PPFIA2: variants seen among roughly 807,000 people sequenced by gnomAD.
The protein encoded by PPFIA2 is PPFI scaffold protein A2.
PPFIA2 carries 46 observed loss-of-function variants against 175.5 expected under a neutral mutation model. That is an observed-to-expected ratio of 0.26 (90% CI 0.21 to 0.34). The LOEUF (loss-of-function observed/expected upper bound fraction) is 0.34, where lower values mean the gene tolerates loss of function less well. Among genes scored for constraint, PPFIA2 ranks in the 10% least tolerant of loss-of-function variants. The pLI, the probability that PPFIA2 is intolerant of heterozygous loss-of-function variation, is 1.00. For synonymous variants in PPFIA2, 568 were observed against 511.4 expected, an observed-to-expected ratio of 1.11 and a Z score of -1.49; for missense variants, 1,179 against 1,506.1, an observed-to-expected ratio of 0.78 and a Z score of 3.60.
chr12:81,725,705 G>T (rs962910511), intron 3 of PPFIA2, among the ~76,000 whole-genome samples: 2 of 150,314 alleles, frequency 1.3e-5, no homozygotes, highest in African/African-American at 4.9e-5. Context: ...AGATGATAAA[G>T]GAAATAAAAG....
chr12:81,544,422 T>C (rs1010150723), intron 4 of PPFIA2, among the ~76,000 whole-genome samples: 6 of 152,132 alleles, frequency 3.9e-5, no homozygotes, highest in African/African-American at 1.4e-4. Flanking sequence ...GCAGTTTTTA[T>C]GCAAATGACT....
rs1319652646 is a variant in PPFIA2, at chr12:81,641,964, T to C, written c.303+34827A>G. 2.6e-5 allele frequency among the ~76,000 whole-genome samples: 4 copies of C among 152,174 alleles called. No individual in the cohort carries two copies. The East Asian group carries it at 7.7e-4, about 29-fold the overall frequency. On this transcript the variant is annotated intron_variant, in intron 4 of 32. Coordinates refer to ENST00000549396, the MANE Select transcript of PPFIA2 (RefSeq NM_003625.5). ...CATACTATATTTTAACACTTTCATATTCTTGCATTCATGTGTTACTGATTA... is the reference window on the plus strand; with the variant it reads ...CATACTATATTTTAACACTTTCATACTCTTGCATTCATGTGTTACTGATTA...
intron 4 of PPFIA2, among the ~76,000 whole-genome samples, chr12:81,522,302 AACC>A (rs2153240454): frequency 6.6e-6 from 1 of 152,352 alleles, no homozygotes; most frequent in African/African-American, 2.4e-5. Flanking sequence ...TAGAAATATT[AACC>A]ATCTACTGTG....
At chr12:81,338,437 ATATT>A (rs2057470421) in intron 21 of PPFIA2, among the ~76,000 whole-genome samples, 1 of 152,112 alleles carries the variant, frequency 6.6e-6, no homozygotes, top group Non-Finnish European at 1.5e-5. Flanking sequence ...TTCTAAATAC[ATATT>A]TAAGTAGTAC....
chr12:81,323,750 G>C (rs2054168718), intron 22 of PPFIA2, among the ~76,000 whole-genome samples: 1 of 151,964 alleles, frequency 6.6e-6, no homozygotes. Context: ...ATTATATGAA[G>C]ACAACTTACT....
intron 3 of PPFIA2, among the ~76,000 whole-genome samples, chr12:81,693,822 G>T (rs568495632): frequency 6.6e-6 from 1 of 152,124 alleles, no homozygotes; most frequent in African/African-American, 2.4e-5. Flanking sequence ...CAAGGTCTTA[G>T]ATGGAAATGA....
At chr12:81,597,479 C>T (rs2059369266) in intron 4 of PPFIA2, among the ~76,000 whole-genome samples, 1 of 151,890 alleles carries the variant, frequency 6.6e-6, no homozygotes, top group South Asian at 2.1e-4. Flanking sequence ...ATGTTATACA[C>T]ATAAGAAAAT....
chr12:81,745,013 G>A (rs1009052480), intron 3 of PPFIA2, among the ~76,000 whole-genome samples: 1 of 152,142 alleles, frequency 6.6e-6, no homozygotes, highest in Non-Finnish European at 1.5e-5. Context: ...CCTCTACCCA[G>A]TTTAATGAAT....
intron 1 of PPFIA2, chr12:81,758,815 G>A (rs2085083604): frequency 6.2e-6 from 1 of 160,362 alleles, no homozygotes; most frequent in African/African-American, 2.4e-5. Context: ...CGGAGACCGG[G>A]GACTGGGTTT....
chr12:81,667,577 C>T (rs1177598720), intron 4 of PPFIA2, among the ~76,000 whole-genome samples: 1 of 152,036 alleles, frequency 6.6e-6, no homozygotes, highest in Non-Finnish European at 1.5e-5. Flanking sequence ...GACTTCAATT[C>T]AAACAAGCAA....
At position 81,383,944 on chromosome 12, in the gene PPFIA2, C is replaced by G. The variant is rs2038346293; in HGVS notation, c.984+79G>C. On this transcript the variant is annotated intron_variant, in intron 9 of 32. Transcript: ENST00000549396. Reference sequence around the variant, plus strand: ...TTTTGAGAAGTAAAAAGTGTATGGTCATTACGGGAAATTATGGAAACAGTA... The same window carrying G: ...TTTTGAGAAGTAAAAAGTGTATGGTGATTACGGGAAATTATGGAAACAGTA... 2.6e-6 allele frequency: 3 copies of G among 1,168,922 alleles called. 1 individual carries two copies. The South Asian group carries it at 4.2e-5, about 17-fold the overall frequency. The allele number at this position is 1,168,922 out of a possible 1,614,324, so 72.4% of individuals were successfully genotyped here. A position where few individuals can be genotyped will look rare whatever the true frequency, so the allele number is the denominator to read the frequency against.
At chr12:81,598,479 C>T in intron 4 of PPFIA2, 2 of 594,068 alleles carry the variant, frequency 3.4e-6, no homozygotes, top group Non-Finnish European at 4.3e-6. Flanking sequence ...ACAGTGTATT[C>T]AGAGGACCTC....
rs142941044 is a variant in PPFIA2 at position 81,309,494 on chromosome 12, G to C, written c.2643-10112C>G. Among the ~76,000 whole-genome samples the C allele has an allele frequency of 4.1e-3, 628 of 152,152 alleles. 8 individuals are homozygous for C. Among genetic ancestry groups the C allele is most frequent in the African/African-American group, 0.015 (613 of 41,536 alleles). ...TCAAATTCAACATTAAATTTGACTT[G>C]ATTTGAAAGCAAAGCATACTGTGAT... On this transcript the variant is annotated intron_variant, in intron 22 of 32. Coordinates refer to ENST00000549396, the MANE Select transcript of PPFIA2 (RefSeq NM_003625.5).
intron 7 of PPFIA2, among the ~76,000 whole-genome samples, chr12:81,422,076 G>GTA (rs1368061404): frequency 2.2e-5 from 3 of 138,680 alleles, no homozygotes; most frequent in Non-Finnish European, 3.1e-5. Flanking sequence ...GTGTGTGTGT[G>GTA]TATATATATG....
intron 4 of PPFIA2, among the ~76,000 whole-genome samples, chr12:81,635,306 C>T (rs1364596672): frequency 6.6e-6 from 1 of 152,158 alleles, no homozygotes; most frequent in Non-Finnish European, 1.5e-5. Flanking sequence ...TAAATAAGAG[C>T]TGTCACTCAT....
At chr12:81,660,631 T>C (rs1035285976) in intron 4 of PPFIA2, among the ~76,000 whole-genome samples, 2 of 152,158 alleles carry the variant, frequency 1.3e-5, no homozygotes, top group East Asian at 3.9e-4. Flanking sequence ...CTGCAGGATA[T>C]TATCCAGGAG....
intron 30 of PPFIA2, among the ~76,000 whole-genome samples, chr12:81,265,093 G>C (rs1157044571): frequency 5.3e-5 from 8 of 150,590 alleles, no homozygotes; most frequent in Admixed American, 3.3e-4. Flanking sequence ...AGGAGTTCCA[G>C]ACCAGCCTGA....
At chr12:81,473,622 G>T (rs778681325) in intron 4 of PPFIA2, among the ~76,000 whole-genome samples, 3 of 152,020 alleles carry the variant, frequency 2.0e-5, no homozygotes, top group Non-Finnish European at 4.4e-5. Context: ...TGGACTTTAG[G>T]CAGCAACTAC....
intron 7 of PPFIA2, among the ~76,000 whole-genome samples, chr12:81,427,149 G>A (rs1415740119): frequency 6.6e-6 from 1 of 151,952 alleles, no homozygotes; most frequent in African/African-American, 2.4e-5. Context: ...AAGATATCAT[G>A]ATGGATTCAA....
Sources: gnomAD v4.1 joint callset for allele counts (sites outside exome capture counted in the v4.1 genomes callset) on GRCh38, gnomAD v4.1.1 for gene constraint, MANE v1.5 for transcripts, NCBI Gene and HGNC (gene_info 2026-07-23, HGNC 2026-07-21) for gene names.